The following VWA8 variants were observed in gnomAD, a reference collection of about 807,000 sequenced individuals.
The protein encoded by VWA8 is von Willebrand factor A domain-containing protein 8.
In VWA8, 221 loss-of-function variants were observed where a neutral mutation model predicts 241.5. The observed-to-expected ratio is 0.91, with a 90% CI of 0.82 to 1.02. The LOEUF is 1.02. Ranked by LOEUF, VWA8 falls within the 50% of genes least tolerant of loss-of-function variation. The pLI is 0.00. For missense variants in VWA8, 2,322 were observed against 2,328.7 expected, an observed-to-expected ratio of 1.00 and a Z score of 0.06; for synonymous variants, 852 against 827.1, an observed-to-expected ratio of 1.03 and a Z score of -0.52.
chr13:41,625,389 AAAAC>A (rs762908537), intron 37 of VWA8, among the ~76,000 whole-genome samples: 109 of 152,318 alleles, frequency 7.2e-4, no homozygotes, highest in Non-Finnish European at 1.1e-3. Flanking sequence ...TTACAAGAAA[AAAAC>A]AAACAACCCC....
intron 2 of VWA8, among the ~76,000 whole-genome samples, chr13:41,937,370 C>T (rs938951915): frequency 6.6e-6 from 1 of 152,156 alleles, no homozygotes; most frequent in Non-Finnish European, 1.5e-5. Flanking sequence ...TAGACAGTCC[C>T]ATCTGGGGGT....
At chr13:41,716,216 T>C (rs1400174473) in intron 26 of VWA8, among the ~76,000 whole-genome samples, 1 of 152,036 alleles carries the variant, frequency 6.6e-6, no homozygotes, top group Non-Finnish European at 1.5e-5. Context: ...AGCTCCATTA[T>C]GGCAGGATCA....
chr13:41,832,081 C>T lies in VWA8; in HGVS notation c.1586+1290G>A, dbSNP rs375237525. Among the ~76,000 whole-genome samples the T allele has an allele frequency of 1.4e-3, 213 of 152,226 alleles. 1 individual carries two copies. Among genetic ancestry groups the T allele is most frequent in the African/African-American group, 4.8e-3 (199 of 41,534 alleles). ...GAGTAGCTGGGACTACAGGCACATGCCACCACTCCCAGTCCATTTTTGTAT... is the reference window on the plus strand; with the variant it reads ...GAGTAGCTGGGACTACAGGCACATGTCACCACTCCCAGTCCATTTTTGTAT... On this transcript the variant is annotated intron_variant, in intron 13 of 44. Transcript: ENST00000379310.
chr13:41,857,293 A>G (rs955752704), intron 12 of VWA8, among the ~76,000 whole-genome samples: 7 of 152,210 alleles, frequency 4.6e-5, no homozygotes, highest in Non-Finnish European at 1.0e-4. Flanking sequence ...TAATATACAT[A>G]TGCATCTGCA....
chr13:41,846,922 G>C (rs1421863935), intron 12 of VWA8, among the ~76,000 whole-genome samples: 1 of 152,032 alleles, frequency 6.6e-6, no homozygotes, highest in Non-Finnish European at 1.5e-5. Flanking sequence ...CCAGCTACTC[G>C]GGAGGCTGAA....
intron 12 of VWA8, among the ~76,000 whole-genome samples, chr13:41,859,151 A>C (rs1179216439): frequency 6.6e-6 from 1 of 152,042 alleles, no homozygotes; most frequent in African/African-American, 2.4e-5. Context: ...CATAAAGAAC[A>C]CTTAAATGAA....
intron 12 of VWA8, among the ~76,000 whole-genome samples, chr13:41,857,266 G>A (rs1872793182): frequency 6.6e-6 from 1 of 152,086 alleles, no homozygotes; most frequent in African/African-American, 2.4e-5. Context: ...TTTTAAAAAT[G>A]AAGAATTGTT....
rs1555303591 is a variant in VWA8 at position 41,573,486 on chromosome 13, A to AATAAATAAATAT, written c.5370+2253_5370+2254insATATTTATTTAT. Among the ~76,000 whole-genome samples the AATAAATAAATAT allele has an allele frequency of 2.6e-3, 301 of 113,592 alleles. 2 individuals are homozygous for AATAAATAAATAT. The highest frequency in any genetic ancestry group is 9.5e-3 in the African/African-American group (278 of 29,188). 74.5% of individuals were successfully genotyped at this position (113,592 alleles called of 152,430 possible). ...GGTGGCTATAGTTTAAAAAAAAAAAAATATATATATATATATATATACCTC... is the reference window on the plus strand; with the variant it reads ...GGTGGCTATAGTTTAAAAAAAAAAAAATAAATAAATATATATATATATATATATATATACCTC... On this transcript the variant is annotated intron_variant, in intron 43 of 44. Transcript: ENST00000379310.
chr13:41,726,728 C>T (rs2045437204), intron 24 of VWA8, among the ~76,000 whole-genome samples: 1 of 152,170 alleles, frequency 6.6e-6, no homozygotes, highest in Non-Finnish European at 1.5e-5. Context: ...GGCATGGTGG[C>T]TCACATCTGC....
chr13:41,921,412 AAC>A (rs932839904), intron 2 of VWA8, among the ~76,000 whole-genome samples: 5 of 152,200 alleles, frequency 3.3e-5, no homozygotes, highest in African/African-American at 1.2e-4. Flanking sequence ...ACTCCTATTC[AAC>A]ACAGTGTTGG....
chr13:41,748,294 CA>C (rs2045625948), intron 21 of VWA8, among the ~76,000 whole-genome samples: 1 of 152,140 alleles, frequency 6.6e-6, no homozygotes, highest in African/African-American at 2.4e-5. Flanking sequence ...TTGGTCTATT[CA>C]GAGATTCAAC....
At chr13:41,574,457 T>C (rs531779643) in intron 43 of VWA8, among the ~76,000 whole-genome samples, 43 of 152,286 alleles carry the variant, frequency 2.8e-4, no homozygotes, top group African/African-American at 9.9e-4. Flanking sequence ...CCAATGCTCA[T>C]AGATGAGGAG....
chr13:41,853,430 T>A (rs7332623), intron 12 of VWA8, among the ~76,000 whole-genome samples: 3 of 152,168 alleles, frequency 2.0e-5, no homozygotes, highest in Non-Finnish European at 1.5e-5. Flanking sequence ...TCTATTTTTT[T>A]AAAAAGTTTG....
intron 20 of VWA8, among the ~76,000 whole-genome samples, chr13:41,761,565 G>GT (rs1298422677): frequency 6.6e-6 from 1 of 152,008 alleles, no homozygotes; most frequent in Non-Finnish European, 1.5e-5. Context: ...AGGTGATCAA[G>GT]TAAGTATAAA....
intron 37 of VWA8, among the ~76,000 whole-genome samples, chr13:41,624,446 T>C (rs890026872): frequency 1.3e-5 from 2 of 152,060 alleles, no homozygotes; most frequent in African/African-American, 4.8e-5. Context: ...GCAAATCAAA[T>C]CAAGCAGCAC....
intron 38 of VWA8, among the ~76,000 whole-genome samples, chr13:41,612,465 T>G (rs917573646): frequency 2.0e-5 from 3 of 152,250 alleles, no homozygotes; most frequent in African/African-American, 7.2e-5. Context: ...TTGTATGAAC[T>G]GTTCATATTG....
At chr13:41,579,103 A>G (rs1181108825) in intron 42 of VWA8, among the ~76,000 whole-genome samples, 1 of 152,232 alleles carries the variant, frequency 6.6e-6, no homozygotes, top group Non-Finnish European at 1.5e-5. Flanking sequence ...GTAAATTTCT[A>G]TTAGGACGGA....
At chr13:41,795,795 G>T (rs1326590936) in intron 17 of VWA8, among the ~76,000 whole-genome samples, 1 of 152,048 alleles carries the variant, frequency 6.6e-6, no homozygotes, top group Admixed American at 6.6e-5. Context: ...AGCCTCTTGA[G>T]GTGGGCGGGT....
chr13:41,607,551 C>T (rs1320816042), intron 39 of VWA8, among the ~76,000 whole-genome samples: 1 of 152,076 alleles, frequency 6.6e-6, no homozygotes, highest in African/African-American at 2.4e-5. Context: ...CATACCTAAA[C>T]CGGTGTGTGT....
Sources: gnomAD v4.1 joint callset for allele counts (sites outside exome capture counted in the v4.1 genomes callset) on GRCh38, gnomAD v4.1.1 for gene constraint, MANE v1.5 for transcripts, NCBI Gene and HGNC (gene_info 2026-07-23, HGNC 2026-07-21) for gene names.